CSMD3: variants seen among roughly 807,000 people sequenced by gnomAD.
CSMD3 encodes CUB and sushi domain-containing protein 3.
CSMD3 carries 177 observed loss-of-function variants against 435.2 expected under a neutral mutation model. That is an observed-to-expected ratio of 0.41 (90% confidence interval 0.36 to 0.46). The LOEUF (loss-of-function observed/expected upper bound fraction) is 0.46. Among genes scored for constraint, CSMD3 ranks in the 20% least tolerant of loss-of-function variants. CSMD3 has a pLI of 0.34. For synonymous variants in CSMD3, 1,656 were observed against 1,520.5 expected, an observed-to-expected ratio of 1.09 and a Z score of -2.07; for missense variants, 4,265 against 4,504.6, an observed-to-expected ratio of 0.95 and a Z score of 1.52.
chr8:113,387,730 A>G (rs1291998329), intron 1 of CSMD3, among the ~76,000 whole-genome samples: 1 of 151,658 alleles, frequency 6.6e-6, no homozygotes, highest in Non-Finnish European at 1.5e-5. Context: ...AGGGAAAAAG[A>G]AGAGGAAGTA....
chr8:113,296,081 G>A (rs2093719081), intron 2 of CSMD3, among the ~76,000 whole-genome samples: 1 of 151,858 alleles, frequency 6.6e-6, no homozygotes, highest in African/African-American at 2.4e-5. Context: ...CTCACTCATA[G>A]GTGGGAAGTG....
chr8:112,867,776 T>G (rs1336190774), intron 10 of CSMD3, among the ~76,000 whole-genome samples: 1 of 152,110 alleles, frequency 6.6e-6, no homozygotes, highest in African/African-American at 2.4e-5. Context: ...GGATTGGAAG[T>G]TGCTCAAGGT....
intron 32 of CSMD3, among the ~76,000 whole-genome samples, chr8:112,429,208 AC>A (rs1813402686): frequency 6.6e-6 from 1 of 152,024 alleles, no homozygotes; most frequent in African/African-American, 2.4e-5. Flanking sequence ...CCCACTAAAT[AC>A]CTCAACCCCT....
At chr8:113,343,842 CG>C (rs2094135400) in intron 1 of CSMD3, among the ~76,000 whole-genome samples, 1 of 152,108 alleles carries the variant, frequency 6.6e-6, no homozygotes, top group South Asian at 2.1e-4. Context: ...GAGGCTGAGG[CG>C]GGTGGATCAC....
At chr8:112,880,106 G>A (rs1254289743) in intron 10 of CSMD3, among the ~76,000 whole-genome samples, 2 of 151,862 alleles carry the variant, frequency 1.3e-5, no homozygotes, top group East Asian at 3.9e-4. Flanking sequence ...ATTTTAAAAA[G>A]GCTTAAGTTA....
chr8:113,158,647 T>C (rs931179172), intron 4 of CSMD3, among the ~76,000 whole-genome samples: 1 of 152,010 alleles, frequency 6.6e-6, no homozygotes, highest in Non-Finnish European at 1.5e-5. Context: ...TTTTTAACTA[T>C]CCACTTTGGG....
intron 5 of CSMD3, among the ~76,000 whole-genome samples, chr8:113,088,974 C>T (rs1181884876): frequency 6.6e-6 from 1 of 152,084 alleles, no homozygotes; most frequent in Non-Finnish European, 1.5e-5. Context: ...ACATTAAACA[C>T]ATATTTTTCT....
At chr8:112,283,120 A>G (rs1463196156) in intron 58 of CSMD3, among the ~76,000 whole-genome samples, 1 of 152,070 alleles carries the variant, frequency 6.6e-6, no homozygotes, top group African/African-American at 2.4e-5. Flanking sequence ...TAACTTGCCC[A>G]ATCTCACAAA....
At chr8:113,197,949 A>G (rs192273184) in intron 3 of CSMD3, among the ~76,000 whole-genome samples, 1 of 151,526 alleles carries the variant, frequency 6.6e-6, no homozygotes, top group Admixed American at 6.6e-5. Flanking sequence ...TCATGTAACT[A>G]ACTATATTTG....
chr8:112,660,824 T>C (rs1428080710), intron 17 of CSMD3, among the ~76,000 whole-genome samples: 1 of 152,148 alleles, frequency 6.6e-6, no homozygotes, highest in Non-Finnish European at 1.5e-5. Context: ...ATTATTCCAG[T>C]GTTTGGGCCA....
chr8:112,359,056 C>A (rs1826917290), intron 38 of CSMD3, among the ~76,000 whole-genome samples: 1 of 151,946 alleles, frequency 6.6e-6, no homozygotes, highest in Non-Finnish European at 1.5e-5. Flanking sequence ...TTCAAATATG[C>A]AACTATTATT....
chr8:112,374,022 C>A (rs1444221567), intron 38 of CSMD3, among the ~76,000 whole-genome samples: 1 of 152,032 alleles, frequency 6.6e-6, no homozygotes, highest in Non-Finnish European at 1.5e-5. Context: ...TTGTTTTATA[C>A]GTTTGTCCTT....
At chr8:112,591,488 T>C (rs1044174438) in intron 22 of CSMD3, among the ~76,000 whole-genome samples, 1 of 152,108 alleles carries the variant, frequency 6.6e-6, no homozygotes, top group Non-Finnish European at 1.5e-5. Flanking sequence ...AAAAAATGCT[T>C]TTCAGCAATT....
intron 32 of CSMD3, among the ~76,000 whole-genome samples, chr8:112,437,669 CT>C (rs1284251329): frequency 2.0e-5 from 3 of 151,930 alleles, no homozygotes; most frequent in African/African-American, 4.8e-5. Context: ...AAAATATACT[CT>C]TTTTTTCTTT....
chr8:112,491,124 A>G (rs1430187746), intron 31 of CSMD3, among the ~76,000 whole-genome samples: 2 of 152,176 alleles, frequency 1.3e-5, no homozygotes, highest in African/African-American at 2.4e-5. Context: ...GGTAAGTCAG[A>G]AATTGGGCAC....
At chr8:112,486,583 C>A (rs528685808) in intron 31 of CSMD3, among the ~76,000 whole-genome samples, 5 of 152,212 alleles carry the variant, frequency 3.3e-5, no homozygotes, top group Admixed American at 3.3e-4. Context: ...ACCAGCATTT[C>A]CTATTTGCTC....
At chr8:112,989,469 T>A (rs1429551606) in intron 6 of CSMD3, among the ~76,000 whole-genome samples, 2 of 152,054 alleles carry the variant, frequency 1.3e-5, no homozygotes, top group African/African-American at 2.4e-5. Flanking sequence ...CATACTGAGT[T>A]TCTACCTTTT....
At chr8:112,383,246 T>G (rs2131252337) in intron 37 of CSMD3, among the ~76,000 whole-genome samples, 1 of 152,294 alleles carries the variant, frequency 6.6e-6, no homozygotes, top group Non-Finnish European at 1.5e-5. Flanking sequence ...TTTTAATTAT[T>G]ATTGCTCATC....
intron 22 of CSMD3, among the ~76,000 whole-genome samples, chr8:112,595,628 A>G (rs1293039397): frequency 2.7e-4 from 19 of 71,104 alleles, no homozygotes; most frequent in South Asian, 5.6e-4. Context: ...AGGTCGGGTT[A>G]CCCTCAAAGG....
Sources: allele counts gnomAD v4.1 joint callset (sites outside exome capture counted in the v4.1 genomes callset), GRCh38; gene constraint gnomAD v4.1.1; transcripts MANE v1.5; gene names NCBI Gene and HGNC (gene_info 2026-07-23, HGNC 2026-07-21).